The following ANO2 variants were observed in gnomAD, a reference collection of about 807,000 sequenced individuals.
ANO2 encodes anoctamin-2.
Under a neutral mutation model 124.2 loss-of-function variants are expected in ANO2, and 101 were observed. The observed-to-expected ratio is 0.81, with a 90% CI of 0.69 to 0.96. The LOEUF (loss-of-function observed/expected upper bound fraction) is 0.96. ANO2 is among the 40% of genes least tolerant of loss of function. The pLI is 0.00. For synonymous variants in ANO2, 486 were observed against 482.5 expected, an observed-to-expected ratio of 1.01 and a Z score of -0.09; for missense variants, 1,293 against 1,274.5, an observed-to-expected ratio of 1.01 and a Z score of -0.22.
chr12:5,758,638 G>A (rs79173015), intron 10 of ANO2, among the ~76,000 whole-genome samples: 3 of 152,240 alleles, frequency 2.0e-5, no homozygotes, highest in Admixed American at 6.5e-5. Context: ...AGGTAATAGC[G>A]TACTATCACT....
At chr12:5,603,672 G>C (rs952032639) in intron 19 of ANO2, among the ~76,000 whole-genome samples, 2 of 152,138 alleles carry the variant, frequency 1.3e-5, no homozygotes, top group African/African-American at 4.8e-5. Context: ...GAGGCCGGGC[G>C]CAGTGGCTCA....
rs1952566354 is a variant in ANO2, at chr12:5,787,303, T to C, written c.1055+12204A>G. ...CAGGCACTCACATAAGCCAAACCTT[T>C]CAATGATGTACCCTTTCCTTAGGGT... On this transcript the variant is annotated intron_variant, in intron 10 of 24. Transcript: ENST00000682330. This position sits in a 1 kb window ranked among gnomAD's most constrained non-coding sequence, Gnocchi z 4.2. 6.6e-6 allele frequency among the ~76,000 whole-genome samples: 1 copy of C among 152,102 alleles called. No individual in the cohort carries two copies. Among genetic ancestry groups the C allele is most frequent in the Non-Finnish European group, 1.5e-5 (1 of 68,022 alleles).
At chr12:5,627,346 G>A (rs552311977) in intron 16 of ANO2, among the ~76,000 whole-genome samples, 2 of 152,280 alleles carry the variant, frequency 1.3e-5, no homozygotes, top group East Asian at 1.9e-4. Flanking sequence ...GGATCCTGGT[G>A]CAAAGCAGGA....
In ANO2 at chr12:5,636,198, A is replaced by G. The variant is rs1176595512; in HGVS notation, c.1621-851T>C. Among the ~76,000 whole-genome samples, 3 of 152,128 alleles carry G rather than the reference A, an allele frequency of 2.0e-5. No homozygotes were observed. Among genetic ancestry groups the G allele is most frequent in the Non-Finnish European group, 1.5e-5 (1 of 68,024 alleles). ...CTCTCTCTAGAACCTAAGAATAAGAAGGGACTCTCTTAGACCTAGATCTGC... is the reference window on the plus strand; with the variant it reads ...CTCTCTCTAGAACCTAAGAATAAGAGGGGACTCTCTTAGACCTAGATCTGC... On this transcript the variant is annotated intron_variant, in intron 15 of 24. Transcript: ENST00000682330. The surrounding 1 kb of genome is among the most constrained non-coding windows in gnomAD (Gnocchi z 4.6).
At chr12:5,799,425 T>G in intron 10 of ANO2, 82 bp downstream of exon 10, 1 of 1,180,326 alleles carries the variant, frequency 8.5e-7, no homozygotes, top group African/African-American at 1.5e-5. Context: ...AGCAAAGGAC[T>G]GTCAGAGTCA....
intron 14 of ANO2, among the ~76,000 whole-genome samples, chr12:5,657,013 G>C (rs1947192922): frequency 6.6e-6 from 1 of 152,198 alleles, no homozygotes; most frequent in African/African-American, 2.4e-5. Context: ...TGTGGTCAGA[G>C]ACACCACAGG....
intron 13 of ANO2, among the ~76,000 whole-genome samples, chr12:5,736,801 T>C (rs1950884169): frequency 6.6e-6 from 1 of 152,268 alleles, no homozygotes; most frequent in African/African-American, 2.4e-5. Flanking sequence ...GCTTTCAAGA[T>C]ATCTTGTTGT....
chr12:5,750,927 C>A lies in ANO2; in HGVS notation c.1099G>T (p.Gly367Ter), dbSNP rs1951416099. The A allele has an allele frequency of 1.9e-6, 3 of 1,609,386 alleles. No homozygotes were observed. In the African/African-American group the frequency reaches 4.0e-5, roughly 21 times the overall value. Residue 367 changes from glycine (G) to a stop codon, truncating the protein, a stop_gained, in exon 11 of 25, where the codon GGA (glycine) becomes TGA (stop). Transcript: ENST00000682330. LOFTEE classifies it high-confidence loss of function. ...EKIGLYFAWLGLYTSFLIPSS... is the reference protein window; with the variant it reads ...EKIGLYFAWL ...GGGATGAGGAATGATGTATATAATC[C>A]CAGCCAGGCAAAATACAGTCCAATT... is the stretch of plus-strand genomic sequence containing the variant.
intron 3 of ANO2, among the ~76,000 whole-genome samples, chr12:5,913,800 G>A (rs777681712): frequency 8.5e-5 from 13 of 152,180 alleles, no homozygotes; most frequent in Non-Finnish European, 1.6e-4. Context: ...AAGGCACTCA[G>A]AAAAGTCCGT....
intron 16 of ANO2, among the ~76,000 whole-genome samples, chr12:5,617,315 G>A (rs528190034): frequency 1.3e-4 from 19 of 151,374 alleles, no homozygotes; most frequent in African/African-American, 4.4e-4. Context: ...AGATAACACT[G>A]TATCACAACC....
intron 16 of ANO2, among the ~76,000 whole-genome samples, chr12:5,625,709 C>T (rs1171842036): frequency 6.6e-6 from 1 of 152,120 alleles, no homozygotes; most frequent in Non-Finnish European, 1.5e-5. Context: ...GAGGAGTCAG[C>T]ACCTCAAGCA....
chr12:5,600,266 T>C (rs1943874015), intron 19 of ANO2, among the ~76,000 whole-genome samples: 1 of 152,186 alleles, frequency 6.6e-6, no homozygotes, highest in African/African-American at 2.4e-5. Context: ...GAAAGGGATA[T>C]CTCAAGACCA....
intron 12 of ANO2, among the ~76,000 whole-genome samples, 197 bp from the exon 13 acceptor site, chr12:5,739,596 T>TACACAC (rs71064167): frequency 0.1 from 14,932 of 145,072 alleles, 827 homozygotes; most frequent in Non-Finnish European, 0.12. Flanking sequence ...ATAGATATGT[T>TACACAC]ACACACACAC....
chr12:5,612,743 C>G lies in ANO2; in HGVS notation c.2000G>C (p.Gly667Ala). ...GYRMEECAPG[G>A]CLMELCIQLS... ...CTGAATGCAGAGCTCCATGAGACAGCCCCCTGGAGCACACTGCAGGGAGAA... is the reference window on the plus strand; with the variant it reads ...CTGAATGCAGAGCTCCATGAGACAGGCCCCTGGAGCACACTGCAGGGAGAA... Residue 667 changes from glycine to alanine, a missense_variant, in exon 19 of 25, where the codon GGC (glycine) becomes GCC (alanine). Gly to Ala is a moderately conservative substitution (Grantham distance 60). Transcript: ENST00000682330. 6.2e-7 allele frequency: 1 copy of G among 1,613,680 alleles called. No individual in the cohort carries two copies. The highest frequency in any genetic ancestry group is 8.5e-7 in the Non-Finnish European group (1 of 1,179,714).
chr12:5,569,917 G>A (rs1006009092), intron 23 of ANO2, among the ~76,000 whole-genome samples: 1 of 152,140 alleles, frequency 6.6e-6, no homozygotes, highest in Non-Finnish European at 1.5e-5. Context: ...CACAATATGT[G>A]TCTATGAAAT....
At chr12:5,821,394 C>T (rs1187974436) in intron 7 of ANO2, among the ~76,000 whole-genome samples, 1 of 152,182 alleles carries the variant, frequency 6.6e-6, no homozygotes, top group Non-Finnish European at 1.5e-5. Flanking sequence ...GGATGTGTTA[C>T]TCCGGCCCGT....
At chr12:5,618,997 AT>A (rs1944975289) in intron 16 of ANO2, among the ~76,000 whole-genome samples, 1 of 152,222 alleles carries the variant, frequency 6.6e-6, no homozygotes, top group African/African-American at 2.4e-5. Flanking sequence ...TGTCTTCAAT[AT>A]TAGGAGATGA....
chr12:5,591,797 G>A (rs1943407177), intron 20 of ANO2, among the ~76,000 whole-genome samples: 1 of 152,170 alleles, frequency 6.6e-6, no homozygotes, highest in African/African-American at 2.4e-5. Context: ...AAACTCTGGA[G>A]GGAACAGGCA....
intron 12 of ANO2, among the ~76,000 whole-genome samples, chr12:5,743,221 C>T (rs1951159907): frequency 6.6e-6 from 1 of 151,662 alleles, no homozygotes. Flanking sequence ...CTGGCATATC[C>T]TCTGGGCGCC....
Sources: gnomAD v4.1 joint callset for allele counts (sites outside exome capture counted in the v4.1 genomes callset) on GRCh38, gnomAD v4.1.1 for gene constraint, Gnocchi (gnomAD v3.1) non-coding constraint, MANE v1.5 for transcripts, NCBI Gene and HGNC (gene_info 2026-07-23, HGNC 2026-07-21) for gene names.